IFT140: variants seen among roughly 807,000 people sequenced by gnomAD.
IFT140 encodes the protein intraflagellar transport 140, also known as intraflagellar transport protein 140 homolog.
A neutral mutation model predicts 164.6 loss-of-function variants in IFT140; 133 were observed. That is an observed-to-expected ratio of 0.81 (90% CI 0.70 to 0.93). IFT140 has a LOEUF of 0.93. Ranked by LOEUF, IFT140 falls within the 40% of genes least tolerant of loss-of-function variation. IFT140 has a pLI of 0.00. For missense variants in IFT140, 2,045 were observed against 1,972.3 expected, an observed-to-expected ratio of 1.04 and a Z score of -0.70; for synonymous variants, 860 against 817.3, an observed-to-expected ratio of 1.05 and a Z score of -0.89.
At chr16:1,512,228 A>G in intron 30 of IFT140, among the ~76,000 whole-genome samples, 1 of 116,932 alleles carries the variant, frequency 8.6e-6, no homozygotes, top group Non-Finnish European at 1.7e-5. Flanking sequence ...GGGGCAGGAC[A>G]GGCGGCGTAG....
At chr16:1,541,619 G>T in intron 19 of IFT140, 2 of 488,782 alleles carry the variant, frequency 4.1e-6, no homozygotes, top group Non-Finnish European at 5.3e-6. Flanking sequence ...AGGCAGAGAG[G>T]AACAGCTGTC....
rs201833966 is a variant in IFT140 at position 1,586,084 on chromosome 16, T to C, written c.1155+46A>G. On this transcript the variant is annotated intron_variant, in intron 10 of 30. Coordinates refer to ENST00000426508, the MANE Select transcript of IFT140 (RefSeq NM_014714.4). Reference sequence around the variant, plus strand: ...CCGCGCCCGGCCATGGTCTCCACTTTCATGCAGCAGAAAATGAGTGCACCG... The same window carrying C: ...CCGCGCCCGGCCATGGTCTCCACTTCCATGCAGCAGAAAATGAGTGCACCG... 461 of 1,603,710 alleles carry C rather than the reference T, an allele frequency of 2.9e-4. 4 individuals carry two copies. In the East Asian group the frequency reaches 7.9e-3, roughly 28 times the overall value.
In IFT140 at chr16:1,520,642, A is replaced by G. The variant is rs1401040450; in HGVS notation, c.3620T>C (p.Leu1207Pro). 1 of 1,600,452 alleles carries G rather than the reference A, an allele frequency of 6.2e-7. No individual in the cohort carries two copies. The highest frequency in any genetic ancestry group is 1.3e-5 in the African/African-American group (1 of 74,756). ...DCCMRQGSYH[L>P]ATKKYTQAGN... is the part of the protein sequence containing the mutation. The stretch of plus-strand genomic sequence containing the variant: ...GGCCTGCGTGTACTTCTTGGTGGCC[A>G]GGTGGTAGCTGCCCTGGCGCATGCA... Residue 1207 changes from leucine (L) to proline (P), a missense_variant, in exon 27 of 31, where the codon CTG (leucine) becomes CCG (proline). Physicochemically the swap from Leu to Pro is moderately conservative, Grantham distance 98. Transcript: ENST00000426508.
intron 14 of IFT140, among the ~76,000 whole-genome samples, chr16:1,569,252 C>T (rs1005361370): frequency 6.6e-6 from 1 of 152,194 alleles, no homozygotes; most frequent in East Asian, 1.9e-4. Context: ...TCGTGATCCG[C>T]CCGCCTCAGC....
chr16:1,562,015 C>T lies in IFT140; in HGVS notation c.2169G>A (p.Met723Ile), dbSNP rs777432507. The change falls in exon 18 of 31, where the codon ATG (methionine) becomes ATA (isoleucine). Residue 723 changes from methionine to isoleucine, a missense_variant. Coordinates refer to ENST00000426508, the MANE Select transcript of IFT140 (RefSeq NM_014714.4). ...TTGTGAAGTAGTAATAAGGCACTTC[C>T]ATCCCCAGGAGACTGTGGGAGGTGG... ...RPATSHSLLG[M>I]EVPYYYFTRK... 8.1e-6 allele frequency: 13 copies of T among 1,610,038 alleles called. No individual in the cohort carries two copies. In the East Asian group the frequency reaches 1.6e-4, roughly 19 times the overall value.
At chr16:1,522,413 T>C (rs1358798151) in intron 26 of IFT140, among the ~76,000 whole-genome samples, 1 of 152,184 alleles carries the variant, frequency 6.6e-6, no homozygotes, top group Non-Finnish European at 1.5e-5. Flanking sequence ...TGCATGCCTG[T>C]AATCCCAGCT....
rs776217442 is a variant in IFT140, at chr16:1,542,036, G to A, written c.2400-15240C>T. 8.2e-5 allele frequency: 132 copies of A among 1,610,812 alleles called. No individual in the cohort carries two copies. The highest frequency in any genetic ancestry group is 5.0e-4 in the Middle Eastern group (3 of 6,054). The stretch of plus-strand genomic sequence containing the variant: ...TGCCCCTGCTGTCACCCGACGCCCC[G>A]TGCTGGGAGGAGGCCATGGCCGCTG... On this transcript the variant is annotated intron_variant, in intron 19 of 30. Transcript: ENST00000426508.
At chr16:1,566,547 C>T (rs548910465) in intron 15 of IFT140, among the ~76,000 whole-genome samples, 10 of 152,256 alleles carry the variant, frequency 6.6e-5, no homozygotes, top group South Asian at 4.1e-4. Flanking sequence ...CTGCAGCCTC[C>T]GCCTCCCGGG....
At chr16:1,603,921 G>C (rs947002918) in intron 3 of IFT140, among the ~76,000 whole-genome samples, 3 of 152,190 alleles carry the variant, frequency 2.0e-5, no homozygotes, top group African/African-American at 7.2e-5. Flanking sequence ...TTGTCCAATA[G>C]ATCACTATTT....
chr16:1,518,770 A>G (rs937420621), intron 29 of IFT140, among the ~76,000 whole-genome samples: 3 of 151,870 alleles, frequency 2.0e-5, no homozygotes. Context: ...GCCCGCACAC[A>G]GGCTGCGTGT....
In IFT140 at chr16:1,586,167, G is replaced by T. The variant is rs2034866999; in HGVS notation, c.1118C>A (p.Thr373Asn). ...AEGKDRWALQ[T>N]PTELQGNITQ... ...GATGTTTCCTTGGAGCTCGGTAGGG[G>T]TCTGAAGGGCCCACCTGTCCTTGCC... is the stretch of plus-strand genomic sequence containing the variant. The change falls in exon 10 of 31, where the codon ACC becomes AAC. Residue 373 changes from threonine (T) to asparagine (N), a missense_variant. Physicochemically the swap from Thr to Asn is moderately conservative, Grantham distance 65. Transcript: ENST00000426508. The T allele has an allele frequency of 1.9e-6, 3 of 1,613,794 alleles. No individual in the cohort carries two copies. The highest frequency in any genetic ancestry group is 1.3e-5 in the African/African-American group (1 of 74,926).
chr16:1,586,105 C>A (rs1349560851), intron 10 of IFT140, 25 bp downstream of exon 10: 1 of 1,608,072 alleles, frequency 6.2e-7, no homozygotes, highest in Non-Finnish European at 8.5e-7. Context: ...AAAATGAGTG[C>A]ACCGAACACC....
intron 19 of IFT140, chr16:1,555,278 C>A (rs920287274): frequency 8.0e-6 from 4 of 497,122 alleles, no homozygotes; most frequent in Non-Finnish European, 1.4e-5. Flanking sequence ...CACGACCACA[C>A]GCACTTCAGG....
At chr16:1,512,319 G>C (rs2141099837) in intron 30 of IFT140, among the ~76,000 whole-genome samples, 1 of 152,188 alleles carries the variant, frequency 6.6e-6, no homozygotes, top group Admixed American at 6.5e-5. Flanking sequence ...TGTGCGGGCT[G>C]TGCTCAGATG....
chr16:1,555,043 C>T lies in IFT140; in HGVS notation c.2399+2892G>A, dbSNP rs12443936. The T allele has an allele frequency of 0.016, 25,882 of 1,597,860 alleles. 2,559 individuals carry two copies. The Admixed American group carries it at 0.23, about 14-fold the overall frequency. On this transcript the variant is annotated intron_variant, in intron 19 of 30. Coordinates refer to ENST00000426508, the MANE Select transcript of IFT140 (RefSeq NM_014714.4). The stretch of plus-strand genomic sequence containing the variant: ...CCATGCTGAGTCGCCCTTCTCAGCG[C>T]TCCATCAACGCACACCTGCTATCGT...
At chr16:1,585,491 T>C (rs1450107053) in intron 10 of IFT140, among the ~76,000 whole-genome samples, 1 of 152,162 alleles carries the variant, frequency 6.6e-6, no homozygotes, top group Non-Finnish European at 1.5e-5. Context: ...ACTGCAGTGA[T>C]GTTTGTAAAA....
At position 1,587,201 on chromosome 16, in the gene IFT140, T is replaced by G. The variant is rs752956717; in HGVS notation, c.1006A>C (p.Lys336Gln). ...GTGCCAGGCCAGGAAGCCTCACCTT[T>G]GACTTTACAGTAACACACACAGTTC... ...NMNCVCYCKV[K>Q]GLLAAGTDRG... Residue 336 changes from lysine (K) to glutamine (Q), a missense_variant, in exon 9 of 31, where the codon AAA (lysine) becomes CAA (glutamine). Coordinates refer to ENST00000426508, the MANE Select transcript of IFT140 (RefSeq NM_014714.4). The G allele has an allele frequency of 3.4e-5, 54 of 1,601,346 alleles. No individual in the cohort carries two copies. Among genetic ancestry groups the G allele is most frequent in the Non-Finnish European group, 4.5e-5 (53 of 1,168,468 alleles).
rs746371269 is a variant in IFT140 at position 1,568,183 on chromosome 16, G to A, written c.1770+34C>T. On this transcript the variant is annotated intron_variant, in intron 15 of 30. Transcript: ENST00000426508. ...GGCCTGGGAGGACAGAGGTGAGGAGGCGGAGTGGGCGAGTGGACGAGGGGT... is the reference window on the plus strand; with the variant it reads ...GGCCTGGGAGGACAGAGGTGAGGAGACGGAGTGGGCGAGTGGACGAGGGGT... The A allele has an allele frequency of 8.2e-6, 12 of 1,464,264 alleles. No individual in the cohort carries two copies. In the South Asian group the frequency reaches 1.3e-4, roughly 16 times the overall value. 90.7% of individuals were successfully genotyped at this position (1,464,264 alleles called of 1,614,324 possible).
intron 19 of IFT140, chr16:1,555,289 G>GTGGAAGC (rs2033002862): frequency 2.1e-6 from 1 of 470,830 alleles, no homozygotes. Flanking sequence ...GCACTTCAGG[G>GTGGAAGC]TGGAAGCTGG....
Sources: gnomAD v4.1 joint callset for allele counts (sites outside exome capture counted in the v4.1 genomes callset) on GRCh38, gnomAD v4.1.1 for gene constraint, MANE v1.5 for transcripts, NCBI Gene and HGNC (gene_info 2026-07-23, HGNC 2026-07-21) for gene names.